FRMD5: variants seen among roughly 807,000 people sequenced by gnomAD.
FRMD5 encodes the protein FERM domain-containing protein 5.
In FRMD5, 20 loss-of-function variants were observed where a neutral mutation model predicts 69.0. That is an observed-to-expected ratio of 0.29 (90% CI 0.20 to 0.42). The LOEUF is 0.42. Among genes scored for constraint, FRMD5 ranks in the 10% least tolerant of loss-of-function variants. FRMD5 has a pLI of 1.00. For synonymous variants in FRMD5, 271 were observed against 260.1 expected (o/e 1.04, Z -0.40); for missense variants, 595 against 708.6 (o/e 0.84, Z 1.82).
At chr15:44,080,194 T>G (rs2140443844) in intron 1 of FRMD5, among the ~76,000 whole-genome samples, 1 of 152,258 alleles carries the variant, frequency 6.6e-6, no homozygotes, top group East Asian at 1.9e-4. Context: ...TCTCCTTTAA[T>G]TTTGTTTGAA....
chr15:43,955,231 C>T (rs900398672), intron 1 of FRMD5, among the ~76,000 whole-genome samples: 2 of 152,218 alleles, frequency 1.3e-5, no homozygotes, highest in African/African-American at 4.8e-5. Flanking sequence ...GCACTCCTCA[C>T]CCTTGGAAAG....
At chr15:43,980,866 C>A (rs1272605215) in intron 1 of FRMD5, among the ~76,000 whole-genome samples, 1 of 152,102 alleles carries the variant, frequency 6.6e-6, no homozygotes, top group Non-Finnish European at 1.5e-5. Flanking sequence ...TTGAACAATG[C>A]AGGAGTTAGG....
intron 1 of FRMD5, among the ~76,000 whole-genome samples, chr15:44,127,077 T>C (rs908399570): frequency 1.3e-5 from 2 of 152,222 alleles, no homozygotes; most frequent in African/African-American, 2.4e-5. Flanking sequence ...ATGTTTCATA[T>C]AGTCATTTAA....
At chr15:44,109,524 G>A (rs1205408607) in intron 1 of FRMD5, among the ~76,000 whole-genome samples, 2 of 151,782 alleles carry the variant, frequency 1.3e-5, no homozygotes, top group Non-Finnish European at 2.9e-5. Context: ...GCAGAATTGA[G>A]CAGAAAGTAC....
intron 1 of FRMD5, among the ~76,000 whole-genome samples, chr15:44,046,772 T>A (rs1011823558): frequency 2.6e-5 from 4 of 152,224 alleles, no homozygotes; most frequent in Non-Finnish European, 5.9e-5. Flanking sequence ...CAATACATAA[T>A]GTAATACATT....
intron 9 of FRMD5, 36 bp from the exon 10 acceptor site, chr15:43,888,302 G>T: frequency 2.1e-6 from 3 of 1,449,754 alleles, no homozygotes; most frequent in Non-Finnish European, 2.9e-6. Context: ...GCTGAGTGTG[G>T]ATGGAGAAGC....
At chr15:43,965,141 T>G (rs534488687) in intron 1 of FRMD5, among the ~76,000 whole-genome samples, 1 of 152,330 alleles carries the variant, frequency 6.6e-6, no homozygotes, top group South Asian at 2.1e-4. Context: ...CCCTTATTAA[T>G]GAAAGATGCA....
chr15:44,033,334 C>T (rs1412783370), intron 1 of FRMD5, among the ~76,000 whole-genome samples: 4 of 151,820 alleles, frequency 2.6e-5, no homozygotes. Flanking sequence ...TACAACAAAC[C>T]CCTGTAACAC....
At chr15:44,032,588 G>A (rs1259151420) in intron 1 of FRMD5, among the ~76,000 whole-genome samples, 1 of 152,084 alleles carries the variant, frequency 6.6e-6, no homozygotes, top group Non-Finnish European at 1.5e-5. Flanking sequence ...CAGCCAACAA[G>A]CATATGGAAA....
chr15:44,088,741 A>G (rs1056878155), intron 1 of FRMD5, among the ~76,000 whole-genome samples: 1 of 152,228 alleles, frequency 6.6e-6, no homozygotes, highest in African/African-American at 2.4e-5. Flanking sequence ...AATTGTCACA[A>G]TAACTCTGGG....
intron 3 of FRMD5, 88 bp downstream of exon 3, chr15:43,919,679 T>G (rs1256843610): frequency 1.6e-5 from 23 of 1,455,018 alleles, no homozygotes. Flanking sequence ...GGAAATTATA[T>G]ATGTAGATCA....
chr15:43,969,020 A>G (rs1169325373), intron 1 of FRMD5, among the ~76,000 whole-genome samples: 1 of 152,148 alleles, frequency 6.6e-6, no homozygotes, highest in African/African-American at 2.4e-5. Context: ...AGAGGCCTTA[A>G]TACTGATTTA....
At chr15:44,150,156 C>T (rs1183856045) in intron 1 of FRMD5, among the ~76,000 whole-genome samples, 1 of 151,976 alleles carries the variant, frequency 6.6e-6, no homozygotes, top group East Asian at 1.9e-4. Flanking sequence ...AAGAAATTAC[C>T]AATATAAGAA....
intron 1 of FRMD5, among the ~76,000 whole-genome samples, chr15:43,971,684 T>C (rs118056071): frequency 0.038 from 5,680 of 151,450 alleles, 178 homozygotes; most frequent in Non-Finnish European, 0.05. Flanking sequence ...ATTATATGCA[T>C]AATTTTATAT....
At chr15:44,077,596 T>C (rs1337445558) in intron 1 of FRMD5, among the ~76,000 whole-genome samples, 1 of 152,120 alleles carries the variant, frequency 6.6e-6, no homozygotes, top group Non-Finnish European at 1.5e-5. Flanking sequence ...TTTTACCTTT[T>C]AATAAAAATG....
intron 1 of FRMD5, among the ~76,000 whole-genome samples, chr15:44,115,850 T>C (rs1220440531): frequency 6.6e-6 from 1 of 151,858 alleles, no homozygotes; most frequent in Non-Finnish European, 1.5e-5. Context: ...AAACGTAGAG[T>C]CAATTGAATA....
intron 1 of FRMD5, among the ~76,000 whole-genome samples, chr15:44,005,595 G>C (rs1335899003): frequency 6.6e-6 from 1 of 152,058 alleles, no homozygotes; most frequent in African/African-American, 2.4e-5. Flanking sequence ...CTATTTCTTG[G>C]GAGGCCTCAG....
intron 1 of FRMD5, among the ~76,000 whole-genome samples, chr15:44,132,591 G>C (rs1182228831): frequency 6.6e-6 from 1 of 151,970 alleles, no homozygotes; most frequent in Non-Finnish European, 1.5e-5. Flanking sequence ...ATCACACCCA[G>C]CTAATTTTTC....
At chr15:43,959,287 T>A (rs2090161086) in intron 1 of FRMD5, among the ~76,000 whole-genome samples, 1 of 152,196 alleles carries the variant, frequency 6.6e-6, no homozygotes, top group Admixed American at 6.5e-5. Flanking sequence ...CAAATATTCA[T>A]CATGGACTAA....
Sources: allele counts gnomAD v4.1 joint callset (sites outside exome capture counted in the v4.1 genomes callset), GRCh38; gene constraint gnomAD v4.1.1; transcripts MANE v1.5; gene names NCBI Gene and HGNC (gene_info 2026-07-23, HGNC 2026-07-21).